Variants in CALN1 observed in about 807,000 individuals in gnomAD.
CALN1 encodes calcium-binding protein 8.
Under a neutral mutation model 30.6 loss-of-function variants are expected in CALN1, and 17 were observed. That is an observed-to-expected ratio of 0.56 (90% CI 0.38 to 0.83). The LOEUF is 0.83. CALN1 is among the 40% of genes least tolerant of loss of function. The pLI is 0.00. For synonymous variants in CALN1, 156 were observed against 131.4 expected (o/e 1.19, Z -1.28); for missense variants, 291 against 354.9 (o/e 0.82, Z 1.45).
chr7:72,403,333 C>T lies in CALN1; in HGVS notation c.37G>A (p.Glu13Lys), dbSNP rs1393529730. ...CCTCCGTCCCCCTTTTTCTCATTCTCGGGCTTCCCCTCTCCGGGTTGCTCT... is the reference window on the plus strand; with the variant it reads ...CCTCCGTCCCCCTTTTTCTCATTCTTGGGCTTCCCCTCTCCGGGTTGCTCT... ...LPEQPGEGKP[E>K]NEKKGDGGAL... Residue 13 changes from glutamate (E) to lysine (K), a missense_variant, in exon 2 of 7, where the codon GAG (glutamate) becomes AAG (lysine). Transcript: ENST00000395275. The T allele has an allele frequency of 5.8e-6, 9 of 1,549,340 alleles. No homozygotes were observed. The African/African-American group carries it at 8.2e-5, about 14-fold the overall frequency.
At chr7:72,147,408 A>G (rs1786842186) in intron 3 of CALN1, among the ~76,000 whole-genome samples, 2 of 151,118 alleles carry the variant, frequency 1.3e-5, no homozygotes, top group Non-Finnish European at 2.9e-5. Flanking sequence ...AATCAAAACC[A>G]CAATGAGATA....
At chr7:72,194,584 A>C (rs1253341704) in intron 3 of CALN1, among the ~76,000 whole-genome samples, 2 of 147,396 alleles carry the variant, frequency 1.4e-5, no homozygotes, top group Non-Finnish European at 3.0e-5. Flanking sequence ...GGATCTCCTA[A>C]CTGGCCTCTT....
At chr7:72,314,226 G>A (rs1189888366) in intron 2 of CALN1, among the ~76,000 whole-genome samples, 4 of 152,098 alleles carry the variant, frequency 2.6e-5, no homozygotes, top group Admixed American at 6.6e-5. Flanking sequence ...CTGAGCCTAC[G>A]CCTGATTCCT....
At chr7:72,203,921 C>T (rs2129547585) in intron 3 of CALN1, among the ~76,000 whole-genome samples, 1 of 149,116 alleles carries the variant, frequency 6.7e-6, no homozygotes, top group South Asian at 2.1e-4. Flanking sequence ...ACATTGTTAC[C>T]TTTCATAATG....
chr7:72,168,808 T>TTA (rs1254094822), intron 3 of CALN1, among the ~76,000 whole-genome samples: 3,684 of 84,690 alleles, frequency 0.043, 71 homozygotes, highest in East Asian at 0.27. Context: ...TATTATTATT[T>TTA]TTTTTTTTTT....
chr7:72,104,427 T>C (rs142469647), intron 4 of CALN1, among the ~76,000 whole-genome samples: 1 of 152,250 alleles, frequency 6.6e-6, no homozygotes, highest in African/African-American at 2.4e-5. Context: ...CTGGGGTCCA[T>C]GTGCAGGATG....
rs35536629 is a variant in CALN1, at chr7:72,312,838, A to ATT, written c.120-34030_120-34029dup. ...ATAAGGGAACATTTGCCCTATCATA[A>ATT]TTTTTTTTTTTTGAGATACACAGTC... On this transcript the variant is annotated intron_variant, in intron 2 of 6. Coordinates refer to ENST00000395275, the MANE Select transcript of CALN1 (RefSeq NM_031468.4). 5.0e-3 allele frequency among the ~76,000 whole-genome samples: 750 copies of ATT among 149,106 alleles called. 3 individuals carry two copies. The highest frequency in any genetic ancestry group is 6.0e-3 in the Admixed American group (90 of 14,972).
chr7:72,340,550 C>G (rs1277931971), intron 2 of CALN1, among the ~76,000 whole-genome samples: 1 of 152,198 alleles, frequency 6.6e-6, no homozygotes, highest in Non-Finnish European at 1.5e-5. Flanking sequence ...TGGTGCCCTG[C>G]AAATACATGC....
chr7:71,951,981 A>C (rs1482783817), intron 5 of CALN1, among the ~76,000 whole-genome samples: 1 of 151,554 alleles, frequency 6.6e-6, no homozygotes, highest in Non-Finnish European at 1.5e-5. Flanking sequence ...CAACCAATCC[A>C]TCACTTGCCC....
chr7:71,971,483 G>A lies in CALN1; in HGVS notation c.501+52174C>T, dbSNP rs571936728. On this transcript the variant is annotated intron_variant, in intron 5 of 6. Coordinates refer to ENST00000395275, the MANE Select transcript of CALN1 (RefSeq NM_031468.4). Reference sequence around the variant, plus strand: ...AACAAACAAACAAACAAAAAACCCCGAATATTTACTGAGACCCTTGTATGT... The same window carrying A: ...AACAAACAAACAAACAAAAAACCCCAAATATTTACTGAGACCCTTGTATGT... Among the ~76,000 whole-genome samples, 14 of 151,976 alleles carry A rather than the reference G, an allele frequency of 9.2e-5. No individual in the cohort carries two copies. The South Asian group carries it at 1.0e-3, about 11-fold the overall frequency.
intron 5 of CALN1, among the ~76,000 whole-genome samples, chr7:72,011,102 G>A (rs1800051664): frequency 6.6e-6 from 1 of 150,654 alleles, no homozygotes; most frequent in Admixed American, 6.6e-5. Context: ...GCAGTGAGCC[G>A]AGATGGCGCC....
intron 5 of CALN1, among the ~76,000 whole-genome samples, chr7:71,999,028 C>T (rs532858357): frequency 6.6e-6 from 1 of 152,014 alleles, no homozygotes; most frequent in Non-Finnish European, 1.5e-5. Flanking sequence ...GGTCTAAGTA[C>T]ACCAATAAAA....
At chr7:72,342,159 C>T (rs1333296417) in intron 2 of CALN1, among the ~76,000 whole-genome samples, 2 of 150,640 alleles carry the variant, frequency 1.3e-5, no homozygotes, top group Non-Finnish European at 2.9e-5. Flanking sequence ...ACTCAGGAGG[C>T]TAAGGCAGAG....
At chr7:71,928,332 G>A (rs889925325) in intron 5 of CALN1, among the ~76,000 whole-genome samples, 1 of 151,846 alleles carries the variant, frequency 6.6e-6, no homozygotes, top group Non-Finnish European at 1.5e-5. Flanking sequence ...TCCCATAGAT[G>A]ACTCAATGGT....
At chr7:72,166,435 C>T (rs1017803766) in intron 3 of CALN1, among the ~76,000 whole-genome samples, 1 of 152,194 alleles carries the variant, frequency 6.6e-6, no homozygotes, top group Non-Finnish European at 1.5e-5. Flanking sequence ...AGTGATCCTT[C>T]CACCTCAGCC....
chr7:72,134,056 C>T (rs539789944), intron 3 of CALN1, among the ~76,000 whole-genome samples: 1 of 152,174 alleles, frequency 6.6e-6, no homozygotes, highest in Non-Finnish European at 1.5e-5. Context: ...GAGGGCTCTG[C>T]CCTCTTGAAT....
chr7:72,140,336 AAGGAAGGGAGGGAGGG>A (rs1383469392), intron 3 of CALN1, among the ~76,000 whole-genome samples: 19 of 76,804 alleles, frequency 2.5e-4, no homozygotes, highest in African/African-American at 9.1e-4. Context: ...AGGGAGAAGG[AAGGAAGGGAGGGAGGG>A]AGGGAGGGAG....
chr7:72,028,904 T>G (rs1304990153), intron 4 of CALN1, among the ~76,000 whole-genome samples: 1 of 151,958 alleles, frequency 6.6e-6, no homozygotes, highest in Non-Finnish European at 1.5e-5. Context: ...GGCAGGAGAA[T>G]CGCTTAAGTC....
chr7:72,086,405 A>G (rs1202420211), intron 4 of CALN1, among the ~76,000 whole-genome samples: 1 of 152,088 alleles, frequency 6.6e-6, no homozygotes, highest in African/African-American at 2.4e-5. Context: ...AGAAAATGAA[A>G]TGGATCAATT....
Sources: gnomAD v4.1 joint callset for allele counts (sites outside exome capture counted in the v4.1 genomes callset) on GRCh38, gnomAD v4.1.1 for gene constraint, MANE v1.5 for transcripts, NCBI Gene and HGNC (gene_info 2026-07-23, HGNC 2026-07-21) for gene names.